Variants in POLN observed in about 807,000 individuals in gnomAD.
POLN encodes the protein DNA polymerase N.
In POLN, 108 loss-of-function variants were observed where a neutral mutation model predicts 113.5. The ratio of observed to expected loss-of-function variants is 0.95; its 90% CI spans 0.81 to 1.12. The LOEUF is 1.12. Ranked by LOEUF, POLN falls within the 50% of genes most tolerant of loss-of-function variation. The pLI is 0.00. For synonymous variants in POLN, 386 were observed against 391.5 expected, an observed-to-expected ratio of 0.99 and a Z score of 0.17; for missense variants, 1,097 against 1,077.1, an observed-to-expected ratio of 1.02 and a Z score of -0.26.
intron 21 of POLN, 74 bp from the exon 22 acceptor site, chr4:2,081,817 G>T (rs1730428542): frequency 3.1e-6 from 4 of 1,298,282 alleles, no homozygotes; most frequent in Non-Finnish European, 4.4e-6. Context: ...CTCGGGCCAG[G>T]TCCAGAGGCC....
At chr4:2,238,064 G>A (rs564301597) in intron 2 of POLN, among the ~76,000 whole-genome samples, 56 of 152,272 alleles carry the variant, frequency 3.7e-4, no homozygotes, top group African/African-American at 1.3e-3. Context: ...AAAATGAGGA[G>A]TAGGAGACAG....
At chr4:2,157,144 G>C (rs1414875559) in intron 15 of POLN, among the ~76,000 whole-genome samples, 2 of 152,262 alleles carry the variant, frequency 1.3e-5, no homozygotes, top group African/African-American at 2.4e-5. Flanking sequence ...TTGGGCTGTG[G>C]GGAGCTTGGT....
At chr4:2,192,365 T>C (rs1263885848) in intron 7 of POLN, among the ~76,000 whole-genome samples, 4 of 152,058 alleles carry the variant, frequency 2.6e-5, no homozygotes, top group Admixed American at 6.6e-5. Context: ...TTTTTATTTC[T>C]CCTGAGACGG....
intron 7 of POLN, among the ~76,000 whole-genome samples, chr4:2,181,580 T>C (rs532273333): frequency 2.7e-5 from 4 of 150,818 alleles, no homozygotes; most frequent in Non-Finnish European, 5.9e-5. Flanking sequence ...AAATGATAAA[T>C]ATGACAAAAA....
rs1733899468 is a variant in POLN at position 2,208,146 on chromosome 4, T to C, written c.555A>G (p.Leu185=). 6.2e-7 allele frequency: 1 copy of C among 1,614,200 alleles called. No homozygotes were observed. Among genetic ancestry groups the C allele is most frequent in the Non-Finnish European group, 8.5e-7 (1 of 1,180,018 alleles). ...TCAATGCTCCTGAGTTCCCAGAATT[T>C]AGGTAGCCTTCGGCGTCATCAGTAT... The part of the protein sequence containing the change: ...EEDTDDAEGY[L]NSGNSGALKK... Residue 185 remains leucine (L), a synonymous_variant, in exon 5 of 26, where the codon CTA becomes CTG. Transcript: ENST00000511885.
At chr4:2,106,051 T>A (rs559463440) in intron 19 of POLN, among the ~76,000 whole-genome samples, 81 of 151,630 alleles carry the variant, frequency 5.3e-4, no homozygotes, top group Non-Finnish European at 1.1e-3. Context: ...TCCGGTACTC[T>A]TTTTTTTTCT....
intron 19 of POLN, among the ~76,000 whole-genome samples, chr4:2,100,605 T>C (rs1730899871): frequency 6.6e-6 from 1 of 152,234 alleles, no homozygotes; most frequent in African/African-American, 2.4e-5. Context: ...GGGGGGTGAA[T>C]ACTTAAGAAA....
intron 16 of POLN, among the ~76,000 whole-genome samples, chr4:2,154,054 C>T (rs1367616904): frequency 1.8e-4 from 27 of 150,576 alleles, no homozygotes; most frequent in African/African-American, 5.8e-4. Flanking sequence ...AAAAATTAGC[C>T]GGGCGTGGTG....
intron 20 of POLN, chr4:2,090,039 T>G (rs1274781158): frequency 6.8e-6 from 6 of 882,128 alleles, no homozygotes; most frequent in Admixed American, 6.6e-5. Flanking sequence ...GACTTGGAAC[T>G]GAAGAATTAT....
chr4:2,107,022 AC>A (rs1335528940), intron 19 of POLN, among the ~76,000 whole-genome samples: 1 of 152,024 alleles, frequency 6.6e-6, no homozygotes, highest in African/African-American at 2.4e-5. Context: ...GAAGTTTCCA[AC>A]CTGTCTTTTC....
intron 16 of POLN, among the ~76,000 whole-genome samples, chr4:2,133,607 T>C (rs1004719894): frequency 2.6e-5 from 4 of 152,222 alleles, no homozygotes; most frequent in East Asian, 3.8e-4. Context: ...TATATGTACA[T>C]AGTGGTAGCA....
At chr4:2,192,742 A>C (rs1232548887) in intron 7 of POLN, among the ~76,000 whole-genome samples, 1 of 151,824 alleles carries the variant, frequency 6.6e-6, no homozygotes, top group Non-Finnish European at 1.5e-5. Context: ...CTGAGACAGG[A>C]GGATGGCTTG....
rs182789181 is a variant in POLN at position 2,220,105 on chromosome 4, G to A, written c.134-6979C>T. Among the ~76,000 whole-genome samples, 181 of 152,034 alleles carry A rather than the reference G, an allele frequency of 1.2e-3. No homozygotes were observed. The Middle Eastern group carries it at 0.031, about 26-fold the overall frequency. ...CATACTGTCTCCCAGCTACAAATTC[G>A]CCTCTCAGCTACAAATTCACCCCTC... On this transcript the variant is annotated intron_variant, in intron 3 of 25. Transcript: ENST00000511885.
chr4:2,126,574 G>GAGCGGAGACCAGAGAGA lies in POLN; in HGVS notation c.1982+1522_1982+1538dup, dbSNP rs1731586023. Among the ~76,000 whole-genome samples, 3 of 152,092 alleles carry GAGCGGAGACCAGAGAGA rather than the reference G, an allele frequency of 2.0e-5. No homozygotes were observed. Among genetic ancestry groups the GAGCGGAGACCAGAGAGA allele is most frequent in the Admixed American group, 1.3e-4 (2 of 15,276 alleles). On this transcript the variant is annotated intron_variant, in intron 19 of 25. Transcript: ENST00000511885. The surrounding 1 kb of genome is among the most constrained non-coding windows in gnomAD (Gnocchi z 4.6). ...CCAGAGAGGAGCAGAGACCAGAGAG[G>GAGCGGAGACCAGAGAGA]AGCGGAGACCAGAGAGAAGCGGAGA...
rs769385571 is a variant in POLN at position 2,072,967 on chromosome 4, C to T, written c.2517+1G>A. On this transcript the variant is annotated splice_donor_variant, in intron 25 of 25. Transcript: ENST00000511885. LOFTEE classifies it high-confidence loss of function. ...CCGGGCAGGCTTAAGTGTCCCCTCA[C>T]CTGAAGCTGCAGCTCCAATGCCTGC... 1.9e-6 allele frequency: 3 copies of T among 1,613,066 alleles called. No homozygotes were observed. The highest frequency in any genetic ancestry group is 2.5e-6 in the Non-Finnish European group (3 of 1,179,896).
chr4:2,098,917 C>A (rs1034588271), intron 19 of POLN, among the ~76,000 whole-genome samples: 2 of 41,884 alleles, frequency 4.8e-5, no homozygotes, highest in Admixed American at 3.9e-4. Context: ...CACGTGCGTG[C>A]GCACACACAC....
intron 5 of POLN, among the ~76,000 whole-genome samples, chr4:2,202,505 C>T (rs1733742027): frequency 6.6e-6 from 1 of 152,284 alleles, no homozygotes; most frequent in South Asian, 2.1e-4. Flanking sequence ...GGGCAGATCA[C>T]TTGAGGTCAG....
At chr4:2,076,206 A>G (rs1480583510) in intron 23 of POLN, among the ~76,000 whole-genome samples, 1 of 152,144 alleles carries the variant, frequency 6.6e-6, no homozygotes, top group African/African-American at 2.4e-5. Flanking sequence ...TGGGGCTCAC[A>G]GATTCAAGTG....
intron 14 of POLN, 54 bp from the exon 15 acceptor site, chr4:2,157,965 G>T (rs1328093165): frequency 2.8e-6 from 4 of 1,424,758 alleles, no homozygotes; most frequent in Admixed American, 3.5e-5. Flanking sequence ...GTCTTTTTTT[G>T]TGGGGGGAAG....
Sources: gnomAD v4.1 joint callset for allele counts (sites outside exome capture counted in the v4.1 genomes callset) on GRCh38, gnomAD v4.1.1 for gene constraint, Gnocchi (gnomAD v3.1) non-coding constraint, MANE v1.5 for transcripts, NCBI Gene and HGNC (gene_info 2026-07-23, HGNC 2026-07-21) for gene names.